The following MYOCOS variants were observed in gnomAD, a reference collection of about 807,000 sequenced individuals.
The protein encoded by MYOCOS is myocilin opposite strand protein.
intron 2 of MYOCOS, among the ~76,000 whole-genome samples, chr1:171,624,622 GTTTT>G (rs879605984): frequency 5.1e-5 from 7 of 138,502 alleles, no homozygotes; most frequent in African/African-American, 8.2e-5. Flanking sequence ...GTGTGTGTGT[GTTTT>G]TTTTTAGTAG....
upstream of MYOCOS, among the ~76,000 whole-genome samples, chr1:171,621,429 G>C (rs549936792): frequency 1.8e-4 from 25 of 135,452 alleles, no homozygotes; most frequent in African/African-American, 6.7e-4. Context: ...AGGCTAGAGT[G>C]CAGTGGCGCG....
chr1:171,621,187 C>A (rs1445746499), upstream of MYOCOS, among the ~76,000 whole-genome samples: 1 of 152,144 alleles, frequency 6.6e-6, no homozygotes, highest in African/African-American at 2.4e-5. Flanking sequence ...AGGGCTTTGT[C>A]ACAGGTCATG....
rs899116621 is a variant in MYOCOS, at chr1:171,626,856, A to C, written c.*255A>C. Reference sequence around the variant, plus strand: ...ATGCTATAGAACTGTTGCTGTAGTCAGTTGTATTTAAATTAATAAACAGTT... The same window carrying C: ...ATGCTATAGAACTGTTGCTGTAGTCCGTTGTATTTAAATTAATAAACAGTT... On this transcript the variant is annotated 3_prime_UTR_variant, in exon 3 of 3. Coordinates refer to ENST00000637642, the MANE Select transcript of MYOCOS (RefSeq NM_001391940.1). 6.5e-6 allele frequency: 2 copies of C among 306,476 alleles called. No homozygotes were observed. The highest frequency in any genetic ancestry group is 1.2e-5 in the Non-Finnish European group (2 of 169,254). The allele number at this position is 306,476 out of a possible 1,614,324, so 19.0% of individuals were successfully genotyped here.
chr1:171,621,124 T>C (rs1336765160), upstream of MYOCOS, among the ~76,000 whole-genome samples: 1 of 152,074 alleles, frequency 6.6e-6, no homozygotes. Flanking sequence ...CTAAAATGTA[T>C]AAAACCAAGC....
upstream of MYOCOS, among the ~76,000 whole-genome samples, chr1:171,619,188 T>C (rs1295635241): frequency 6.6e-6 from 1 of 152,256 alleles, no homozygotes; most frequent in Non-Finnish European, 1.5e-5. Context: ...TTTTGAATCA[T>C]AGCTCATTAC....
intron 1 of MYOCOS, among the ~76,000 whole-genome samples, chr1:171,605,400 A>C (rs562208379): frequency 0.034 from 2,901 of 85,556 alleles, 46 homozygotes; most frequent in East Asian, 0.1. Flanking sequence ...CACACAAAAA[A>C]AAAAAAACAG....
upstream of MYOCOS, among the ~76,000 whole-genome samples, chr1:171,620,043 T>C (rs1356572810): frequency 6.7e-6 from 1 of 148,254 alleles, no homozygotes; most frequent in Admixed American, 6.8e-5. Context: ...ATCATGTGAG[T>C]TAATATTTAA....
exon 2 of MYOCOS, chr1:171,614,845 G>T (rs576078875): frequency 6.6e-6 from 1 of 152,376 alleles, no homozygotes; most frequent in East Asian, 1.9e-4. Flanking sequence ...ACTGAGCAAA[G>T]ACTTGAAGGA....
At chr1:171,624,435 A>AATT (rs72026900) in intron 2 of MYOCOS, among the ~76,000 whole-genome samples, 4,352 of 147,140 alleles carry the variant, frequency 0.03, 78 homozygotes, top group Middle Eastern at 0.058. Flanking sequence ...ACGTCTGGTT[A>AATT]ATTATTATTA....
chr1:171,601,249 G>A (rs1196890862), intron 1 of MYOCOS, among the ~76,000 whole-genome samples: 1 of 152,254 alleles, frequency 6.6e-6, no homozygotes, highest in Non-Finnish European at 1.5e-5. Context: ...CTGAGTGGAA[G>A]CGTGGCCTGA....
At chr1:171,618,220 T>G (rs1301337425), upstream of MYOCOS, among the ~76,000 whole-genome samples, 2 of 152,246 alleles carry the variant, frequency 1.3e-5, no homozygotes, top group East Asian at 1.9e-4. Context: ...GAATGTCACC[T>G]GGGTTGGCAC....
At chr1:171,603,321 G>C (rs1652179509) in intron 1 of MYOCOS, among the ~76,000 whole-genome samples, 1 of 152,200 alleles carries the variant, frequency 6.6e-6, no homozygotes, top group African/African-American at 2.4e-5. Context: ...TGGGCACTCT[G>C]CCGCATAACT....
At chr1:171,616,139 C>T (rs1254470527) in intron 2 of MYOCOS, among the ~76,000 whole-genome samples, 1 of 152,204 alleles carries the variant, frequency 6.6e-6, no homozygotes, top group South Asian at 2.1e-4. Context: ...ATCGCTTGAA[C>T]CCCAGAGGCA....
intron 1 of MYOCOS, among the ~76,000 whole-genome samples, chr1:171,607,269 A>C (rs1432755197): frequency 3.3e-5 from 5 of 152,194 alleles, no homozygotes; most frequent in Non-Finnish European, 7.3e-5. Context: ...GGTTACAATA[A>C]GATGATTACT....
chr1:171,611,205 TTTC>T (rs1487393099), intron 1 of MYOCOS, among the ~76,000 whole-genome samples: 3 of 152,188 alleles, frequency 2.0e-5, no homozygotes, highest in African/African-American at 7.2e-5. Flanking sequence ...ACTTGAGGGT[TTTC>T]TTTTTTTCTC....
chr1:171,614,662 G>A (rs963319517), intron 1 of MYOCOS: 4 of 152,234 alleles, frequency 2.6e-5, no homozygotes, highest in African/African-American at 9.7e-5. Context: ...CAGCAGTGGG[G>A]GAACAACTGC....
At chr1:171,605,448 A>G (rs1230092364) in intron 1 of MYOCOS, among the ~76,000 whole-genome samples, 1 of 151,820 alleles carries the variant, frequency 6.6e-6, no homozygotes, top group Non-Finnish European at 1.5e-5. Flanking sequence ...AAAGAGATCC[A>G]TTCAGTAAAT....
chr1:171,624,945 C>A (rs929396657), intron 2 of MYOCOS, among the ~76,000 whole-genome samples: 1 of 152,040 alleles, frequency 6.6e-6, no homozygotes, highest in Non-Finnish European at 1.5e-5. Context: ...AAATAATAAT[C>A]TTACTAAATC....
intron 1 of MYOCOS, among the ~76,000 whole-genome samples, chr1:171,606,067 G>A (rs982586241): frequency 2.0e-5 from 3 of 152,118 alleles, no homozygotes; most frequent in African/African-American, 7.2e-5. Context: ...GCACGGATTC[G>A]ACCCTGAAGC....
Sources: gnomAD v4.1 joint callset for allele counts (sites outside exome capture counted in the v4.1 genomes callset) on GRCh38, gnomAD v4.1.1 for gene constraint, MANE v1.5 for transcripts, NCBI Gene and HGNC (gene_info 2026-07-23, HGNC 2026-07-21) for gene names.